SH3BGR: variants seen among roughly 807,000 people sequenced by gnomAD.
SH3BGR encodes the protein SH3 domain binding glutamate rich protein, also known as SH3 domain-binding glutamic acid-rich protein.
SH3BGR carries 29 observed loss-of-function variants against 24.5 expected under a neutral mutation model. That is an observed-to-expected ratio of 1.18 (90% confidence interval 0.88 to 1.61). The LOEUF (loss-of-function observed/expected upper bound fraction) is 1.61. Among genes scored for constraint, SH3BGR ranks in the 40% most tolerant of loss-of-function variants. The pLI is 0.00. For synonymous variants in SH3BGR, 55 were observed against 65.7 expected, an observed-to-expected ratio of 0.84 and a Z score of 0.79; for missense variants, 162 against 205.8, an observed-to-expected ratio of 0.79 and a Z score of 1.30.
chr21:39,488,779 C>T (rs914188753), intron 3 of SH3BGR: 101 of 364,452 alleles, frequency 2.8e-4, no homozygotes, highest in African/African-American at 1.8e-3. Context: ...AAGAGCTCGT[C>T]TGTGTGGTGC....
At position 39,499,884 on chromosome 21, in the gene SH3BGR, T is replaced by C. The variant is rs9974333; in HGVS notation, c.374T>C (p.Val125Ala). The change falls in exon 4 of 7, where the codon GTG becomes GCG. Residue 125 changes from valine to alanine, a missense_variant. Transcript: ENST00000333634. Reference protein sequence around the residue: ...TEAQKEGSEDVGNLPEAQEKN... With the variant: ...TEAQKEGSEDAGNLPEAQEKN... ...GCACAAAAAGAGGGCAGTGAAGATG[T>C]GGGCAACCTCCCTGAAGCCCAGGAG... is the stretch of plus-strand genomic sequence containing the variant. The C allele has an allele frequency of 0.54, 868,383 of 1,611,514 alleles. 236,284 individuals carry two copies. Among genetic ancestry groups the C allele is most frequent in the Admixed American group, 0.68 (40,465 of 59,922 alleles).
At chr21:39,505,722 G>A (rs545345897) in intron 4 of SH3BGR, among the ~76,000 whole-genome samples, 40 of 152,076 alleles carry the variant, frequency 2.6e-4, no homozygotes, top group East Asian at 9.7e-4. Context: ...CTGAGATTGC[G>A]CCATTGCACT....
chr21:39,462,199 A>G (rs1312673188), intron 1 of SH3BGR, among the ~76,000 whole-genome samples, 176 bp from the exon 2 acceptor site: 2 of 152,220 alleles, frequency 1.3e-5, no homozygotes, highest in Admixed American at 6.5e-5. Context: ...CAGAATTTAA[A>G]TAGTCATTTG....
chr21:39,462,691 A>G (rs373893135), intron 2 of SH3BGR, 131 bp downstream of exon 2: 71 of 540,032 alleles, frequency 1.3e-4, no homozygotes, highest in African/African-American at 9.3e-4. Context: ...CTGCCATCCA[A>G]TAGCTGGATG....
At chr21:39,450,967 C>T (rs1460964076), upstream of SH3BGR, among the ~76,000 whole-genome samples, 1 of 151,984 alleles carries the variant, frequency 6.6e-6, no homozygotes, top group African/African-American at 2.4e-5. Context: ...CGCCTGCCAA[C>T]ATGCCTGGCT....
At chr21:39,473,599 A>G (rs1193803734) in intron 2 of SH3BGR, among the ~76,000 whole-genome samples, 4 of 152,184 alleles carry the variant, frequency 2.6e-5, no homozygotes, top group Non-Finnish European at 5.9e-5. Context: ...AGTAACACAC[A>G]GGAGGCTGGG....
intron 4 of SH3BGR, among the ~76,000 whole-genome samples, chr21:39,505,929 T>G (rs1285321442): frequency 6.6e-6 from 1 of 152,182 alleles, no homozygotes; most frequent in Non-Finnish European, 1.5e-5. Context: ...TAAAAATAAT[T>G]GGATTCAGAA....
At chr21:39,449,249 C>T (rs1175247939), upstream of SH3BGR, among the ~76,000 whole-genome samples, 1 of 152,222 alleles carries the variant, frequency 6.6e-6, no homozygotes, top group Non-Finnish European at 1.5e-5. Flanking sequence ...CCAGCTCCTT[C>T]CTCCCTTCTG....
chr21:39,468,694 C>T (rs1399831239), intron 2 of SH3BGR, among the ~76,000 whole-genome samples: 1 of 152,152 alleles, frequency 6.6e-6, no homozygotes, highest in Admixed American at 6.5e-5. Flanking sequence ...CTGCCTTGAC[C>T]CCCCAACGTG....
chr21:39,514,477 T>G (rs1240202891), intron 6 of SH3BGR, among the ~76,000 whole-genome samples: 2 of 152,160 alleles, frequency 1.3e-5, no homozygotes, highest in Admixed American at 1.3e-4. Context: ...TCCTCCCACC[T>G]CAGCTTCTTG....
Position 39,492,470 on chromosome 21 carries a change from A to G in SH3BGR, c.313-7353A>G, listed in dbSNP as rs866292927. On this transcript the variant is annotated intron_variant, in intron 3 of 6. Transcript: ENST00000333634. ...TGTGTGTGTGTGTGTGTGTGTGTAT[A>G]TATATATATATACACACACACACAC... Among the ~76,000 whole-genome samples the G allele has an allele frequency of 1.1e-3, 132 of 119,782 alleles. 1 individual carries two copies. Among genetic ancestry groups the G allele is most frequent in the South Asian group, 2.7e-3 (10 of 3,752 alleles). 78.6% of individuals were successfully genotyped at this position (119,782 alleles called of 152,430 possible).
Position 39,511,883 on chromosome 21 carries a change from G to GT in SH3BGR, c.*34+75dup. ...TGCTATCTGCGGCACATTTTGCTTA[G>GT]TAACAGGAGAAAGGGAATTCCAATT... On this transcript the variant is annotated intron_variant, in intron 6 of 6. Coordinates refer to ENST00000333634, the MANE Select transcript of SH3BGR (RefSeq NM_007341.3). This position sits in a 1 kb window ranked among gnomAD's most constrained non-coding sequence, Gnocchi z 4.2. 1 of 1,373,542 alleles carries GT rather than the reference G, an allele frequency of 7.3e-7. No individual in the cohort carries two copies. The highest frequency in any genetic ancestry group is 9.7e-7 in the Non-Finnish European group (1 of 1,027,864). The allele number at this position is 1,373,542 out of a possible 1,614,324, so 85.1% of individuals were successfully genotyped here. A position where few individuals can be genotyped will look rare whatever the true frequency, so the allele number is the denominator to read the frequency against.
At chr21:39,489,058 G>A (rs144113505) in intron 3 of SH3BGR, among the ~76,000 whole-genome samples, 188 of 152,272 alleles carry the variant, frequency 1.2e-3, no homozygotes, top group African/African-American at 4.1e-3. Flanking sequence ...GAGGGAAGAA[G>A]GCATCAAACA....
Position 39,486,636 on chromosome 21 carries a change from T to G in SH3BGR, c.312+11421T>G, listed in dbSNP as rs575399914. Among the ~76,000 whole-genome samples the G allele has an allele frequency of 1.6e-4, 24 of 152,378 alleles. No homozygotes were observed. The South Asian group carries it at 4.6e-3, about 29-fold the overall frequency. On this transcript the variant is annotated intron_variant, in intron 3 of 6. Coordinates refer to ENST00000333634, the MANE Select transcript of SH3BGR (RefSeq NM_007341.3). ...ATTAAAGAAGGATCAAGTTAACATTTAAAACAACTGAAGTTATGGTTGATA... is the reference window on the plus strand; with the variant it reads ...ATTAAAGAAGGATCAAGTTAACATTGAAAACAACTGAAGTTATGGTTGATA...
chr21:39,460,190 G>A (rs1245737573), intron 1 of SH3BGR, among the ~76,000 whole-genome samples: 1 of 152,168 alleles, frequency 6.6e-6, no homozygotes, highest in Non-Finnish European at 1.5e-5. Flanking sequence ...GAGTAGGAAA[G>A]GAGGAATCTG....
At chr21:39,447,924 C>T (rs2077529899), upstream of SH3BGR, among the ~76,000 whole-genome samples, 1 of 152,206 alleles carries the variant, frequency 6.6e-6, no homozygotes, top group African/African-American at 2.4e-5. Flanking sequence ...ACTTTATCTT[C>T]TCACATTTCT....
intron 2 of SH3BGR, among the ~76,000 whole-genome samples, chr21:39,469,615 G>GA (rs2077902989): frequency 6.8e-6 from 1 of 148,062 alleles, no homozygotes; most frequent in Admixed American, 7.0e-5. Context: ...CATATATTTT[G>GA]ATATGCAGTA....
intron 3 of SH3BGR, among the ~76,000 whole-genome samples, chr21:39,481,977 C>T (rs981129737): frequency 3.3e-5 from 5 of 152,208 alleles, no homozygotes; most frequent in African/African-American, 1.2e-4. Context: ...AAGGGGAAAC[C>T]GATCTTTATA....
chr21:39,460,604 A>C (rs1039236439), intron 1 of SH3BGR, among the ~76,000 whole-genome samples: 8 of 151,750 alleles, frequency 5.3e-5, no homozygotes, highest in African/African-American at 1.9e-4. Context: ...CGAGTAGCAG[A>C]GATTTCAGGC....
Sources: gnomAD v4.1 joint callset for allele counts (sites outside exome capture counted in the v4.1 genomes callset) on GRCh38, gnomAD v4.1.1 for gene constraint, Gnocchi (gnomAD v3.1) non-coding constraint, MANE v1.5 for transcripts, NCBI Gene and HGNC (gene_info 2026-07-23, HGNC 2026-07-21) for gene names.